The following CFAP141 variants were observed in gnomAD, a reference collection of about 807,000 sequenced individuals.
CFAP141 encodes cilia- and flagella-associated protein 141.
At chr1:154,203,377 A>G in the CFAP141 span, among the ~76,000 whole-genome samples, 1 of 148,634 alleles carries the variant, frequency 6.7e-6, no homozygotes, top group African/African-American at 2.5e-5. Context: ...CTTCTGCCTC[A>G]GCCTCCTGGG....
chr1:154,205,554 A>C, the CFAP141 span: 30 of 1,583,726 alleles, frequency 1.9e-5, no homozygotes, highest in Middle Eastern at 3.3e-4. Flanking sequence ...GCAGAGTGGA[A>C]AGGTCAAGCT....
chr1:154,201,998 G>A, the CFAP141 span, among the ~76,000 whole-genome samples: 1 of 149,844 alleles, frequency 6.7e-6, no homozygotes, highest in South Asian at 2.1e-4. Flanking sequence ...GTGCAGTGGC[G>A]CAATCTGGGT....
At chr1:154,199,241 T>C in the CFAP141 span, 18 of 500,526 alleles carry the variant, frequency 3.6e-5, no homozygotes, top group Middle Eastern at 1.1e-3. Flanking sequence ...TTTCATAGAT[T>C]GTTTCCCAAA....
At chr1:154,205,720 T>C in the CFAP141 span, 3 of 1,326,258 alleles carry the variant, frequency 2.3e-6, no homozygotes, top group Non-Finnish European at 3.2e-6. Flanking sequence ...TTTTTTTTTT[T>C]TGAGACAGAG....
the CFAP141 span, among the ~76,000 whole-genome samples, chr1:154,205,189 A>C: frequency 6.6e-6 from 1 of 152,128 alleles, no homozygotes; most frequent in South Asian, 2.1e-4. Flanking sequence ...CGGCTGCATC[A>C]GTTTTTTCAA....
chr1:154,203,248 T>C, the CFAP141 span, among the ~76,000 whole-genome samples: 4 of 115,122 alleles, frequency 3.5e-5, no homozygotes, highest in Non-Finnish European at 5.6e-5. Context: ...TTGTTGGGAA[T>C]GACTGTAGTT....
At chr1:154,203,014 A>G in the CFAP141 span, among the ~76,000 whole-genome samples, 3 of 147,028 alleles carry the variant, frequency 2.0e-5, no homozygotes, top group Non-Finnish European at 4.5e-5. Context: ...CCAGCTCCCC[A>G]GGAGGCTGGG....
chr1:154,204,993 T>A, the CFAP141 span, among the ~76,000 whole-genome samples: 4 of 151,690 alleles, frequency 2.6e-5, no homozygotes, highest in African/African-American at 9.7e-5. Flanking sequence ...GCAATTCTCC[T>A]GCCTCAGCCT....
At chr1:154,200,664 G>A in the CFAP141 span, 5,217 of 1,447,824 alleles carry the variant, frequency 3.6e-3, 36 homozygotes, top group Non-Finnish European at 3.2e-3. Context: ...CATAGAGTGA[G>A]GCTGTTTCTT....
the CFAP141 span, among the ~76,000 whole-genome samples, chr1:154,203,205 A>ACACACTTTG: frequency 1.3e-5 from 1 of 74,746 alleles, no homozygotes; most frequent in African/African-American, 4.8e-5. Flanking sequence ...ATATATATAT[A>ACACACTTTG]TATATATATA....
the CFAP141 span, among the ~76,000 whole-genome samples, chr1:154,201,793 A>C: frequency 6.6e-6 from 1 of 151,246 alleles, no homozygotes; most frequent in South Asian, 2.1e-4. Flanking sequence ...TTTTTTGAGA[A>C]ATAGTCTCGC....
At chr1:154,199,528 C>G in the CFAP141 span, 1 of 1,604,632 alleles carries the variant, frequency 6.2e-7, no homozygotes, top group African/African-American at 1.3e-5. Flanking sequence ...GCTTGACGGA[C>G]CTGGTGGAGA....
At chr1:154,200,222 A>G in the CFAP141 span, among the ~76,000 whole-genome samples, 1 of 152,214 alleles carries the variant, frequency 6.6e-6, no homozygotes, top group African/African-American at 2.4e-5. Flanking sequence ...CAGGAACTAG[A>G]GTATACTTTG....
chr1:154,201,451 A>G, the CFAP141 span, among the ~76,000 whole-genome samples: 10 of 140,582 alleles, frequency 7.1e-5, no homozygotes, highest in East Asian at 1.9e-3. Flanking sequence ...GCAGTGAGGC[A>G]ATCTTGGCTC....
the CFAP141 span, among the ~76,000 whole-genome samples, chr1:154,203,187 A>G: frequency 6.8e-5 from 1 of 14,636 alleles, no homozygotes. Context: ...ATATATATAT[A>G]TATATATATA....
At chr1:154,202,013 T>C in the CFAP141 span, among the ~76,000 whole-genome samples, 1 of 151,820 alleles carries the variant, frequency 6.6e-6, no homozygotes, top group Non-Finnish European at 1.5e-5. Context: ...CTGGGTTCAT[T>C]ACAGCCTCTG....
the CFAP141 span, among the ~76,000 whole-genome samples, chr1:154,202,059 C>T: frequency 6.6e-5 from 10 of 152,172 alleles, no homozygotes; most frequent in African/African-American, 2.4e-4. Flanking sequence ...GCCTCAGACT[C>T]CTGAGTAGCT....
the CFAP141 span, among the ~76,000 whole-genome samples, chr1:154,201,839 T>C: frequency 2.0e-5 from 3 of 152,098 alleles, no homozygotes; most frequent in South Asian, 2.1e-4. Context: ...GGCCCGATCT[T>C]GGCTCACTGC....
the CFAP141 span, chr1:154,200,443 C>T: frequency 1.2e-5 from 19 of 1,613,222 alleles, no homozygotes; most frequent in Middle Eastern, 1.7e-4. Context: ...CTTCAGGTTG[C>T]CCTGCTAGAA....
Sources: allele counts gnomAD v4.1 joint callset (sites outside exome capture counted in the v4.1 genomes callset), GRCh38; gene constraint gnomAD v4.1.1; transcripts MANE v1.5; gene names NCBI Gene and HGNC (gene_info 2026-07-23, HGNC 2026-07-21).